Variants in TPP2 observed in about 807,000 individuals in gnomAD.
TPP2 encodes the protein tripeptidyl peptidase 2.
Under a neutral mutation model 155.9 loss-of-function variants are expected in TPP2, and 34 were observed. The observed-to-expected ratio is 0.22, with a 90% CI of 0.17 to 0.29. The LOEUF is 0.29. Among genes scored for constraint, TPP2 ranks in the 10% least tolerant of loss-of-function variants. The pLI is 1.00. For synonymous variants in TPP2, 510 were observed against 529.4 expected (o/e 0.96, Z 0.50); for missense variants, 1,028 against 1,522.3 (o/e 0.68, Z 5.40).
At chr13:102,631,068 A>G (rs1040269805) in intron 10 of TPP2, among the ~76,000 whole-genome samples, 3 of 152,216 alleles carry the variant, frequency 2.0e-5, no homozygotes, top group Non-Finnish European at 4.4e-5. Flanking sequence ...GACAGAAGAA[A>G]GGAGTTCTAT....
chr13:102,632,980 G>C (rs868773871), intron 10 of TPP2, among the ~76,000 whole-genome samples: 1 of 151,042 alleles, frequency 6.6e-6, no homozygotes, highest in African/African-American at 2.5e-5. Flanking sequence ...GAATATATAT[G>C]TATTGCTTTC....
intron 25 of TPP2, 148 bp downstream of exon 25, chr13:102,657,355 A>G (rs1456266918): frequency 1.5e-5 from 5 of 342,016 alleles, no homozygotes; most frequent in Non-Finnish European, 9.6e-6. Context: ...TCCTCTTTTT[A>G]TATAAATGTG....
In TPP2 at chr13:102,644,643, G is replaced by A; in HGVS notation, c.2262G>A (p.Gly754=). ...TTGATTATACCATTTCTTTCCATGG[G>A]ATAGTGTGTACTGCTCCTCAGTTAA... The part of the protein sequence containing the change: ...VNIDYTISFH[G]IVCTAPQLNI... Residue 754 remains glycine (G), a synonymous_variant, in exon 18 of 30, where the codon GGG becomes GGA. Transcript: ENST00000376052. 9 of 1,612,426 alleles carry A rather than the reference G, an allele frequency of 5.6e-6. No homozygotes were observed. Among genetic ancestry groups the A allele is most frequent in the Non-Finnish European group, 7.6e-6 (9 of 1,179,438 alleles).
At chr13:102,627,699 C>T (rs1203507305) in intron 7 of TPP2, 149 bp from the exon 8 acceptor site, 2 of 536,012 alleles carry the variant, frequency 3.7e-6, no homozygotes, top group African/African-American at 4.1e-5. Context: ...GCTTATATGT[C>T]CAGGTATATG....
At chr13:102,653,402 TG>T (rs1883643148) in intron 24 of TPP2, among the ~76,000 whole-genome samples, 1 of 152,194 alleles carries the variant, frequency 6.6e-6, no homozygotes, top group African/African-American at 2.4e-5. Context: ...TTTGTTTGTA[TG>T]TTTTTTTAAG....
At chr13:102,613,483 A>G (rs1880471166) in intron 2 of TPP2, among the ~76,000 whole-genome samples, 1 of 152,232 alleles carries the variant, frequency 6.6e-6, no homozygotes, top group East Asian at 1.9e-4. Flanking sequence ...GTTGATGCTC[A>G]GTTCACTTTT....
intron 17 of TPP2, 151 bp downstream of exon 17, chr13:102,643,527 T>C (rs1312956690): frequency 6.2e-6 from 5 of 812,688 alleles, no homozygotes; most frequent in Non-Finnish European, 8.7e-6. Flanking sequence ...AGTAGAAAAA[T>C]AGAAAATCTA....
chr13:102,615,464 A>G (rs946588648), intron 3 of TPP2, among the ~76,000 whole-genome samples: 10 of 152,230 alleles, frequency 6.6e-5, no homozygotes, highest in African/African-American at 2.4e-4. Flanking sequence ...TATATAGTAT[A>G]TTAAATGTAA....
In TPP2 at chr13:102,657,004, A is replaced by G; in HGVS notation, c.2992-52A>G. ...CATGTAGCTGTTGAAGATGATTTTGATGTATGTAAAATTAAGCATATTAAT... is the reference window on the plus strand; with the variant it reads ...CATGTAGCTGTTGAAGATGATTTTGGTGTATGTAAAATTAAGCATATTAAT... On this transcript the variant is annotated intron_variant, in intron 24 of 29. Transcript: ENST00000376052. 2.6e-6 allele frequency: 4 copies of G among 1,532,638 alleles called. No individual in the cohort carries two copies. The South Asian group carries it at 5.0e-5, about 19-fold the overall frequency. 94.9% of individuals were successfully genotyped at this position (1,532,638 alleles called of 1,614,324 possible).
At chr13:102,614,313 G>A in intron 3 of TPP2, 117 bp downstream of exon 3, 1 of 893,868 alleles carries the variant, frequency 1.1e-6, no homozygotes, top group Non-Finnish European at 1.6e-6. Flanking sequence ...TTAGTTTTTT[G>A]GGTGGTTGGT....
Position 102,671,010 on chromosome 13 carries a change from T to C in TPP2, c.3372-3273T>C, listed in dbSNP as rs149694555. Among the ~76,000 whole-genome samples, 752 of 152,280 alleles carry C rather than the reference T, an allele frequency of 4.9e-3. 7 individuals are homozygous for C. The highest frequency in any genetic ancestry group is 0.017 in the African/African-American group (716 of 41,558). The stretch of plus-strand genomic sequence containing the variant: ...AATAATCTTGCAATTAGGAAAGTCT[T>C]TTCTAATGGGGAGCAAAGCCTGATT... On this transcript the variant is annotated intron_variant, in intron 27 of 29. Coordinates refer to ENST00000376052, the MANE Select transcript of TPP2 (RefSeq NM_001330588.2).
At chr13:102,639,166 C>T (rs1181250114) in intron 15 of TPP2, among the ~76,000 whole-genome samples, 1 of 152,158 alleles carries the variant, frequency 6.6e-6, no homozygotes, top group Non-Finnish European at 1.5e-5. Context: ...TTAACTTACA[C>T]TCTTTCACTG....
At chr13:102,636,987 C>A in intron 13 of TPP2, 95 bp from the exon 14 acceptor site, 1 of 1,353,376 alleles carries the variant, frequency 7.4e-7, no homozygotes, top group South Asian at 1.5e-5. Context: ...GCCAACCAAA[C>A]CAAGTCGCTA....
At chr13:102,597,758 T>G (rs1312041094) in intron 1 of TPP2, among the ~76,000 whole-genome samples, 1 of 152,226 alleles carries the variant, frequency 6.6e-6, no homozygotes, top group Non-Finnish European at 1.5e-5. Context: ...TGGGGAAGAA[T>G]AGTTTGTCTT....
intron 15 of TPP2, 85 bp from the exon 16 acceptor site, chr13:102,640,180 AATTGT>A: frequency 1.0e-6 from 1 of 971,658 alleles, no homozygotes; most frequent in African/African-American, 1.8e-5. Flanking sequence ...ATTTCCAATG[AATTGT>A]TATTTTGCGT....
intron 25 of TPP2, among the ~76,000 whole-genome samples, chr13:102,662,230 A>T (rs1380252139): frequency 5.3e-5 from 8 of 152,218 alleles, no homozygotes; most frequent in Non-Finnish European, 1.5e-5. Flanking sequence ...GATAGAAAGT[A>T]GATTAGTGGT....
intron 2 of TPP2, among the ~76,000 whole-genome samples, chr13:102,610,242 T>C (rs1880176795): frequency 6.6e-6 from 1 of 152,108 alleles, no homozygotes; most frequent in African/African-American, 2.4e-5. Context: ...TTCATTTATT[T>C]ATTTATGACA....
At chr13:102,650,514 A>G (rs1397444947) in intron 23 of TPP2, among the ~76,000 whole-genome samples, 6 of 152,292 alleles carry the variant, frequency 3.9e-5, no homozygotes, top group African/African-American at 1.4e-4. Flanking sequence ...ATTTGAAGTA[A>G]ATCAATAGTT....
At chr13:102,610,695 T>A (rs1372815400) in intron 2 of TPP2, among the ~76,000 whole-genome samples, 2 of 152,228 alleles carry the variant, frequency 1.3e-5, no homozygotes, top group Non-Finnish European at 2.9e-5. Context: ...CTAGGCTTCC[T>A]TGAGAAACCA....
Sources: allele counts gnomAD v4.1 joint callset (sites outside exome capture counted in the v4.1 genomes callset), GRCh38; gene constraint gnomAD v4.1.1; transcripts MANE v1.5; gene names NCBI Gene and HGNC (gene_info 2026-07-23, HGNC 2026-07-21).